MECR: variants seen among roughly 807,000 people sequenced by gnomAD.
The protein encoded by MECR is enoyl-[acyl-carrier-protein] reductase, mitochondrial.
In MECR, 37 loss-of-function variants were observed where a neutral mutation model predicts 49.1. The observed-to-expected ratio is 0.75, with a 90% CI of 0.58 to 0.99. The LOEUF is 0.99. Among genes scored for constraint, MECR ranks in the 50% least tolerant of loss-of-function variants. MECR has a pLI of 0.00. For synonymous variants in MECR, 198 were observed against 191.1 expected (o/e 1.04, Z -0.30); for missense variants, 470 against 479.6 (o/e 0.98, Z 0.19).
the MECR span, among the ~76,000 whole-genome samples, chr1:29,178,053 C>G: frequency 6.6e-6 from 1 of 151,986 alleles, no homozygotes; most frequent in African/African-American, 2.4e-5. Context: ...GTGCCCACCA[C>G]CACACCCAGC....
At chr1:29,196,102 A>G (rs1673908270) in intron 8 of MECR, 89 bp from the exon 9 acceptor site, 1 of 1,599,236 alleles carries the variant, frequency 6.3e-7, no homozygotes, top group Non-Finnish European at 8.6e-7. Context: ...GGAACGGGGC[A>G]TTGCCTAAGC....
rs1357389470 is a variant in MECR at position 29,192,832 on chromosome 1, C to T, written c.*1190G>A. On this transcript the variant is annotated 3_prime_UTR_variant, in exon 10 of 10. Transcript: ENST00000263702. ...CCTAGGGCAAGATCTTTATTCTGCT[C>T]TTACAGCACCCCACATATCTTCTTT... The T allele has an allele frequency of 6.6e-6, 1 of 152,190 alleles. No homozygotes were observed. The highest frequency in any genetic ancestry group is 1.5e-5 in the Non-Finnish European group (1 of 68,026). The allele number at this position is 152,190 out of a possible 1,614,324, so 9.4% of individuals were successfully genotyped here.
intron 7 of MECR, among the ~76,000 whole-genome samples, chr1:29,196,850 T>TA (rs928526376): frequency 3.4e-5 from 5 of 148,706 alleles, no homozygotes; most frequent in South Asian, 2.1e-4. Flanking sequence ...TAAATAATAA[T>TA]AAAAAAAAAT....
At chr1:29,182,129 C>T in the MECR span, 6 of 184,166 alleles carry the variant, frequency 3.3e-5, no homozygotes, top group African/African-American at 4.7e-5. Flanking sequence ...TGGCTTCGCC[C>T]CTCCCCCGGA....
chr1:29,185,850 G>A, the MECR span, among the ~76,000 whole-genome samples: 2 of 152,114 alleles, frequency 1.3e-5, no homozygotes, highest in East Asian at 1.9e-4. Flanking sequence ...CAGGCATGGC[G>A]GTGCATGCCT....
chr1:29,179,315 A>T, the MECR span, among the ~76,000 whole-genome samples: 1 of 152,178 alleles, frequency 6.6e-6, no homozygotes, highest in African/African-American at 2.4e-5. Flanking sequence ...TTATGACATT[A>T]AAAAAATATT....
At position 29,230,907 on chromosome 1, in the gene MECR, G is replaced by C. The variant is rs749973516; in HGVS notation, c.-1C>G. 1.9e-6 allele frequency: 3 copies of C among 1,598,908 alleles called. No individual in the cohort carries two copies. The highest frequency in any genetic ancestry group is 2.6e-6 in the Non-Finnish European group (3 of 1,176,348). On this transcript the variant is annotated 5_prime_UTR_variant, in exon 1 of 10. Transcript: ENST00000263702. ...GCCACAGGGTACTGCAGACCCACAT[G>C]CTCGCTCCAACCAACACAGAGCCTG...
At chr1:29,202,117 C>A in intron 5 of MECR, 72 bp from the exon 6 acceptor site, 2 of 1,307,798 alleles carry the variant, frequency 1.5e-6, no homozygotes, top group Non-Finnish European at 2.2e-6. Flanking sequence ...GACCTCTCTG[C>A]CACAGCTGGG....
At chr1:29,175,240 C>G in the MECR span, among the ~76,000 whole-genome samples, 2 of 150,708 alleles carry the variant, frequency 1.3e-5, no homozygotes, top group Non-Finnish European at 2.9e-5. Context: ...TGGTGAAACC[C>G]CGTTTCTACA....
At chr1:29,221,757 T>A (rs1003222645) in intron 1 of MECR, among the ~76,000 whole-genome samples, 1 of 152,168 alleles carries the variant, frequency 6.6e-6, no homozygotes, top group Non-Finnish European at 1.5e-5. Flanking sequence ...CATACAGAAC[T>A]GTGAGTTGGC....
At chr1:29,211,328 C>T (rs1677978552) in intron 3 of MECR, among the ~76,000 whole-genome samples, 1 of 152,198 alleles carries the variant, frequency 6.6e-6, no homozygotes. Flanking sequence ...CTTGGCCTCC[C>T]ATGCTGGGAT....
intron 7 of MECR, among the ~76,000 whole-genome samples, chr1:29,198,203 C>A (rs12122508): frequency 1.3e-5 from 2 of 152,168 alleles, no homozygotes; most frequent in Non-Finnish European, 1.5e-5. Context: ...GCTCACCCAC[C>A]GCTCACCTCC....
At chr1:29,190,938 A>G (rs569969556), downstream of MECR, among the ~76,000 whole-genome samples, 1 of 152,272 alleles carries the variant, frequency 6.6e-6, no homozygotes, top group South Asian at 2.1e-4. Context: ...GTACCCACCT[A>G]AAAGTTGTAG....
intron 1 of MECR, among the ~76,000 whole-genome samples, chr1:29,222,764 A>C (rs1459297847): frequency 1.3e-5 from 2 of 152,154 alleles, no homozygotes; most frequent in African/African-American, 2.4e-5. Context: ...TTGAAGCTGC[A>C]AACACAGGTG....
At chr1:29,181,837 G>T in the MECR span, 1 of 1,197,282 alleles carries the variant, frequency 8.4e-7, no homozygotes, top group Non-Finnish European at 1.1e-6. Context: ...GGCAGCGGCG[G>T]CGGCGGCAAC....
chr1:29,188,732 C>A (rs571176575), downstream of MECR, among the ~76,000 whole-genome samples: 1 of 150,790 alleles, frequency 6.6e-6, no homozygotes, highest in Non-Finnish European at 1.5e-5. Context: ...CTCCACCTCC[C>A]GGGTTCAAGC....
chr1:29,223,253 C>T (rs1057248501), intron 1 of MECR: 154 of 985,236 alleles, frequency 1.6e-4, no homozygotes, highest in Non-Finnish European at 1.8e-4. Context: ...GAGGCCAAGG[C>T]TGTACACCTG....
At chr1:29,225,266 G>T (rs1354442477) in intron 1 of MECR, among the ~76,000 whole-genome samples, 3 of 152,122 alleles carry the variant, frequency 2.0e-5, no homozygotes, top group Non-Finnish European at 2.9e-5. Flanking sequence ...AATACGGACT[G>T]ATCACACACA....
the MECR span, among the ~76,000 whole-genome samples, chr1:29,168,113 CA>C: frequency 1.3e-5 from 2 of 151,664 alleles, no homozygotes; most frequent in Non-Finnish European, 2.9e-5. Context: ...ACCCTGGGCT[CA>C]AGCAATTCTT....
Sources: gnomAD v4.1 joint callset for allele counts (sites outside exome capture counted in the v4.1 genomes callset) on GRCh38, gnomAD v4.1.1 for gene constraint, MANE v1.5 for transcripts, NCBI Gene and HGNC (gene_info 2026-07-23, HGNC 2026-07-21) for gene names.